The following PPP1R21 variants were observed in gnomAD, a reference collection of about 807,000 sequenced individuals.
The protein encoded by PPP1R21 is KLRAQ motif containing 1.
In PPP1R21, 85 loss-of-function variants were observed where a neutral mutation model predicts 112.8. That is an observed-to-expected ratio of 0.75 (90% confidence interval 0.63 to 0.90). The LOEUF is 0.90. PPP1R21 is among the 40% of genes least tolerant of loss of function. PPP1R21 has a pLI of 0.00. For synonymous variants in PPP1R21, 381 were observed against 322.3 expected, an observed-to-expected ratio of 1.18 and a Z score of -1.95; for missense variants, 1,199 against 901.5, an observed-to-expected ratio of 1.33 and a Z score of -4.23.
rs1668154323 is a variant in PPP1R21, at chr2:48,465,395, A to G, written c.748-98A>G. The stretch of plus-strand genomic sequence containing the variant: ...TGAATTTAAAGTAAGGAATAATCAC[A>G]CTAGGATTCAAATGTTTTCTCCAGA... On this transcript the variant is annotated intron_variant, in intron 8 of 21. Transcript: ENST00000294952. 1.0e-5 allele frequency: 11 copies of G among 1,086,832 alleles called. No homozygotes were observed. The South Asian group carries it at 1.8e-4, about 18-fold the overall frequency. 67.3% of individuals were successfully genotyped at this position (1,086,832 alleles called of 1,614,324 possible). A position where few individuals can be genotyped will look rare whatever the true frequency, so the allele number is the denominator to read the frequency against.
intron 11 of PPP1R21, 153 bp downstream of exon 11, chr2:48,471,520 G>T (rs1396691864): frequency 1.4e-6 from 1 of 710,286 alleles, no homozygotes; most frequent in East Asian, 2.8e-5. Context: ...GAAAAGCATG[G>T]TTGAGCAGCA....
intron 13 of PPP1R21, among the ~76,000 whole-genome samples, chr2:48,483,171 A>G (rs930053753): frequency 1.4e-5 from 2 of 141,838 alleles, no homozygotes; most frequent in East Asian, 4.0e-4. Context: ...TACATTTTCT[A>G]TAAAATAAAG....
intron 13 of PPP1R21, among the ~76,000 whole-genome samples, chr2:48,482,465 G>T (rs1267423014): frequency 6.6e-6 from 1 of 152,178 alleles, no homozygotes; most frequent in East Asian, 1.9e-4. Context: ...GTGTAAGTGG[G>T]TATAGCATCA....
At chr2:48,464,053 A>G (rs1668097832) in intron 7 of PPP1R21, among the ~76,000 whole-genome samples, 1 of 152,102 alleles carries the variant, frequency 6.6e-6, no homozygotes, top group Non-Finnish European at 1.5e-5. Flanking sequence ...AGGCAGAGTA[A>G]ATTGTAGTGG....
At chr2:48,490,233 AAAAAAAG>A (rs1669500962) in intron 14 of PPP1R21, among the ~76,000 whole-genome samples, 2 of 151,394 alleles carry the variant, frequency 1.3e-5, no homozygotes, top group Non-Finnish European at 1.5e-5. Context: ...AAAAAAAAAA[AAAAAAAG>A]AAAGAAAAGA....
chr2:48,490,075 C>T (rs990900995), intron 14 of PPP1R21, among the ~76,000 whole-genome samples: 3 of 151,462 alleles, frequency 2.0e-5, no homozygotes, highest in African/African-American at 4.8e-5. Context: ...AAAAATTACC[C>T]GGATGTGGTG....
At chr2:48,478,189 G>T (rs1002756757) in intron 12 of PPP1R21, among the ~76,000 whole-genome samples, 1 of 152,146 alleles carries the variant, frequency 6.6e-6, no homozygotes, top group South Asian at 2.1e-4. Context: ...CCTTGATTTT[G>T]GACTTCTGGC....
chr2:48,474,605 T>G, intron 11 of PPP1R21, 78 bp from the exon 12 acceptor site: 30 of 1,305,210 alleles, frequency 2.3e-5, no homozygotes, highest in Non-Finnish European at 3.1e-5. Context: ...TATAGTTGTT[T>G]GAGAACTTGG....
At chr2:48,478,223 T>C (rs1258550355) in intron 12 of PPP1R21, among the ~76,000 whole-genome samples, 1 of 152,154 alleles carries the variant, frequency 6.6e-6, no homozygotes, top group African/African-American at 2.4e-5. Flanking sequence ...AGAAAATAAA[T>C]TTCTGTTGTG....
chr2:48,453,472 C>A (rs1469142896), intron 2 of PPP1R21, among the ~76,000 whole-genome samples: 1 of 152,162 alleles, frequency 6.6e-6, no homozygotes. Flanking sequence ...GGATTACAGG[C>A]ATGAGCCACT....
chr2:48,472,697 C>T (rs1374936056), intron 11 of PPP1R21, among the ~76,000 whole-genome samples: 1 of 151,700 alleles, frequency 6.6e-6, no homozygotes, highest in East Asian at 1.9e-4. Flanking sequence ...GCCTGTAATC[C>T]CAATACCTTG....
chr2:48,451,050 G>C lies in PPP1R21; in HGVS notation c.100G>C (p.Glu34Gln). ...NQVLKKGVVD[E>Q]QANSAALKEQ... ...GGTTCTGAAAAAAGGTGTTGTGGATGAACAAGCAAATTCTGCAGCTTTAAA... is the reference window on the plus strand; with the variant it reads ...GGTTCTGAAAAAAGGTGTTGTGGATCAACAAGCAAATTCTGCAGCTTTAAA... The change falls in exon 2 of 22, where the codon GAA (glutamate) becomes CAA (glutamine). Residue 34 changes from glutamate (E) to glutamine (Q), a missense_variant. By Grantham distance (29) the Glu-to-Gln change is conservative. Coordinates refer to ENST00000294952, the MANE Select transcript of PPP1R21 (RefSeq NM_001135629.3). 1 of 1,613,718 alleles carries C rather than the reference G, an allele frequency of 6.2e-7. No homozygotes were observed. Among genetic ancestry groups the C allele is most frequent in the Admixed American group, 1.7e-5 (1 of 60,010 alleles).
At chr2:48,513,357 A>G (rs907793551) in intron 21 of PPP1R21, among the ~76,000 whole-genome samples, 2 of 150,596 alleles carry the variant, frequency 1.3e-5, no homozygotes, top group African/African-American at 2.4e-5. Context: ...GGCATGCACC[A>G]CCATGCCCGG....
chr2:48,443,159 C>A (rs543896621), intron 1 of PPP1R21, among the ~76,000 whole-genome samples: 1 of 152,118 alleles, frequency 6.6e-6, no homozygotes, highest in Non-Finnish European at 1.5e-5. Context: ...ACCAAACATA[C>A]AAGGCACTCA....
At chr2:48,441,635 C>G (rs1667036009) in intron 1 of PPP1R21, among the ~76,000 whole-genome samples, 1 of 152,192 alleles carries the variant, frequency 6.6e-6, no homozygotes, top group African/African-American at 2.4e-5. Context: ...GGGCAGACAC[C>G]CAGCGGGTGC....
At chr2:48,460,380 C>T (rs1667922878) in intron 6 of PPP1R21, among the ~76,000 whole-genome samples, 1 of 152,090 alleles carries the variant, frequency 6.6e-6, no homozygotes, top group African/African-American at 2.4e-5. Flanking sequence ...TGTGGCAGAT[C>T]GTGTTCTGGA....
rs375119354 is a variant in PPP1R21 at position 48,474,642 on chromosome 2, C to T, written c.1089-41C>T. Reference sequence around the variant, plus strand: ...TGGCTGCTAGTAGCTAATTGAAAATCGTTTGGGATGCTCACTTCTTAAAAA... The same window carrying T: ...TGGCTGCTAGTAGCTAATTGAAAATTGTTTGGGATGCTCACTTCTTAAAAA... On this transcript the variant is annotated intron_variant, in intron 11 of 21. Transcript: ENST00000294952. The T allele has an allele frequency of 5.8e-6, 9 of 1,563,578 alleles. No homozygotes were observed. The South Asian group carries it at 7.2e-5, about 12-fold the overall frequency.
chr2:48,499,685 A>C (rs1433209405), intron 17 of PPP1R21, among the ~76,000 whole-genome samples: 1 of 152,264 alleles, frequency 6.6e-6, no homozygotes, highest in African/African-American at 2.4e-5. Flanking sequence ...ATACTGTAGA[A>C]ACCCATCAGG....
intron 15 of PPP1R21, among the ~76,000 whole-genome samples, chr2:48,493,110 A>T (rs539590879): frequency 7.2e-6 from 1 of 138,808 alleles, no homozygotes; most frequent in Non-Finnish European, 1.5e-5. Context: ...GGTTCACACC[A>T]TTCTCCTGCC....
Sources: allele counts gnomAD v4.1 joint callset (sites outside exome capture counted in the v4.1 genomes callset), GRCh38; gene constraint gnomAD v4.1.1; transcripts MANE v1.5; gene names NCBI Gene and HGNC (gene_info 2026-07-23, HGNC 2026-07-21).